The following JAKMIP1 variants were observed in gnomAD, a reference collection of about 807,000 sequenced individuals.
JAKMIP1 encodes the protein janus kinase and microtubule interacting protein 1.
A neutral mutation model predicts 113.0 loss-of-function variants in JAKMIP1; 33 were observed. That is an observed-to-expected ratio of 0.29 (90% CI 0.22 to 0.39). JAKMIP1 has a LOEUF of 0.39. JAKMIP1 is among the 10% of genes least tolerant of loss of function. The pLI is 1.00. For synonymous variants in JAKMIP1, 480 were observed against 459.9 expected (o/e 1.04, Z -0.56); for missense variants, 813 against 1,080.5 (o/e 0.75, Z 3.47).
At chr4:6,103,814 G>A (rs895977283) in intron 3 of JAKMIP1, among the ~76,000 whole-genome samples, 1 of 152,126 alleles carries the variant, frequency 6.6e-6, no homozygotes, top group Non-Finnish European at 1.5e-5. Context: ...TTTATTGACT[G>A]TAGGAGCTGT....
Position 6,167,042 on chromosome 4 carries a change from C to A in JAKMIP1, c.-148+33211G>T, listed in dbSNP as rs1474367705. 6.6e-6 allele frequency among the ~76,000 whole-genome samples: 1 copy of A among 152,098 alleles called. No individual in the cohort carries two copies. The highest frequency in any genetic ancestry group is 1.5e-5 in the Non-Finnish European group (1 of 67,998). On this transcript the variant is annotated intron_variant, in intron 1 of 20. Coordinates refer to ENST00000409021, the MANE Select transcript of JAKMIP1 (RefSeq NM_001099433.2). This position sits in a 1 kb window ranked among gnomAD's most constrained non-coding sequence, Gnocchi z 5.3. ...GGTCTCTCAAATACTGTATGTGCTA[C>A]CCCACATCAAGTACTTGGAACAGTG...
In JAKMIP1 at chr4:6,197,611, C is replaced by T. The variant is rs1379581734; in HGVS notation, c.-148+2642G>A. On this transcript the variant is annotated intron_variant, in intron 1 of 20. Coordinates refer to ENST00000409021, the MANE Select transcript of JAKMIP1 (RefSeq NM_001099433.2). This position sits in a 1 kb window ranked among gnomAD's most constrained non-coding sequence, Gnocchi z 6.5. ...CAGAAGCCCTGCAGGTTGATCCCGT[C>T]GCCACTATGGGGAGAGGAGTGACCC... 1.3e-5 allele frequency among the ~76,000 whole-genome samples: 2 copies of T among 152,202 alleles called. No individual in the cohort carries two copies. The highest frequency in any genetic ancestry group is 1.5e-5 in the Non-Finnish European group (1 of 68,034).
intron 2 of JAKMIP1, among the ~76,000 whole-genome samples, chr4:6,107,440 A>G (rs1714140067): frequency 6.6e-6 from 1 of 152,214 alleles, no homozygotes; most frequent in South Asian, 2.1e-4. Context: ...TTGGTCAAAC[A>G]CCAGTCCAGA....
chr4:6,190,877 A>G (rs1318075306), intron 1 of JAKMIP1, among the ~76,000 whole-genome samples: 1 of 152,128 alleles, frequency 6.6e-6, no homozygotes, highest in Non-Finnish European at 1.5e-5. Context: ...CCTGGGTCTG[A>G]CAGAAAGCAG....
chr4:6,107,222 T>C (rs1714102356), intron 2 of JAKMIP1, among the ~76,000 whole-genome samples: 1 of 152,122 alleles, frequency 6.6e-6, no homozygotes, highest in African/African-American at 2.4e-5. Context: ...TTGTCCCAGT[T>C]ATGGACAAAA....
intron 1 of JAKMIP1, among the ~76,000 whole-genome samples, chr4:6,182,504 T>C (rs541325067): frequency 1.9e-4 from 29 of 151,696 alleles, no homozygotes; most frequent in Middle Eastern, 3.2e-3. Context: ...CTCTCCACCA[T>C]GCGAGGGCAC....
At position 6,105,336 on chromosome 4, in the gene JAKMIP1, C is replaced by T. The variant is rs573628037; in HGVS notation, c.624+137G>A. 1.5e-5 allele frequency: 11 copies of T among 729,964 alleles called. No homozygotes were observed. In the African/African-American group the frequency reaches 1.6e-4, roughly 11 times the overall value. The allele number at this position is 729,964 out of a possible 1,614,324, so 45.2% of individuals were successfully genotyped here. A position where few individuals can be genotyped will look rare whatever the true frequency, so the allele number is the denominator to read the frequency against. The stretch of plus-strand genomic sequence containing the variant: ...CAAAGCCTCCTTACCACACCTAAGA[C>T]GGGAGGGAGGTTGCTGGGGCCCCAG... On this transcript the variant is annotated intron_variant, in intron 3 of 20. Transcript: ENST00000409021.
rs1416101131 is a variant in JAKMIP1 at position 6,042,194 on chromosome 4, G to C, written c.2062C>G (p.Leu688Val). Residue 688 changes from leucine to valine, a missense_variant, in exon 17 of 21, where the codon CTG (leucine) becomes GTG (valine). Physicochemically the swap from Leu to Val is conservative, Grantham distance 32 (BLOSUM62 1). This residue lies in a region of JAKMIP1 where 273 missense variants were observed against 426.6 expected (regional missense o/e 0.64). Transcript: ENST00000409021. The surrounding 1 kb of genome is among the most constrained non-coding windows in gnomAD (Gnocchi z 5.2). ...TCCAGGTCCAGCATCTTCTGGGTCA[G>C]GGCGGCCTCGGTCCCCTCTATTTGC... ...LKQIEGTEAA[L>V]TQKMLDLEKE... 6.2e-7 allele frequency: 1 copy of C among 1,613,888 alleles called. No individual in the cohort carries two copies. The highest frequency in any genetic ancestry group is 8.5e-7 in the Non-Finnish European group (1 of 1,179,872).
At chr4:6,148,952 A>G (rs1291962226) in intron 1 of JAKMIP1, among the ~76,000 whole-genome samples, 1 of 152,184 alleles carries the variant, frequency 6.6e-6, no homozygotes, top group Non-Finnish European at 1.5e-5. Context: ...GGAGTCAAGA[A>G]AGACATCTGA....
intron 3 of JAKMIP1, among the ~76,000 whole-genome samples, chr4:6,101,741 A>C (rs1191265190): frequency 6.8e-6 from 1 of 146,172 alleles, no homozygotes; most frequent in Non-Finnish European, 1.5e-5. Flanking sequence ...ACAAAAAAAA[A>C]AAAAAAAAAA....
Position 6,176,425 on chromosome 4 carries a change from G to A in JAKMIP1, c.-148+23828C>T, listed in dbSNP as rs1269016385. 2.6e-5 allele frequency among the ~76,000 whole-genome samples: 4 copies of A among 152,104 alleles called. No individual in the cohort carries two copies. The highest frequency in any genetic ancestry group is 5.9e-5 in the Non-Finnish European group (4 of 68,008). ...GATAGGACCTCCAGCCTAGCTGAAC[G>A]GGACCAAGGAAGGATTTCCGATGTT... On this transcript the variant is annotated intron_variant, in intron 1 of 20. Transcript: ENST00000409021. The surrounding 1 kb of genome is among the most constrained non-coding windows in gnomAD (Gnocchi z 5.5).
At chr4:6,189,965 C>T (rs1172749990) in intron 1 of JAKMIP1, among the ~76,000 whole-genome samples, 1 of 152,200 alleles carries the variant, frequency 6.6e-6, no homozygotes, top group Non-Finnish European at 1.5e-5. Context: ...CCATGCCACA[C>T]TGGCAAAATC....
rs6845360 is a variant in JAKMIP1, at chr4:6,088,914, C to G, written c.625-3285G>C. Among the ~76,000 whole-genome samples the G allele has an allele frequency of 6.6e-6, 1 of 152,256 alleles. No homozygotes were observed. Among genetic ancestry groups the G allele is most frequent in the East Asian group, 1.9e-4 (1 of 5,186 alleles). On this transcript the variant is annotated intron_variant, in intron 3 of 20. Transcript: ENST00000409021. The surrounding 1 kb of genome is among the most constrained non-coding windows in gnomAD (Gnocchi z 5.5). ...CATGTGCAGTAGGAAAGGGGTGGAA[C>G]GAACATCACTGCAAGTTCCCAGGGC...
In JAKMIP1 at chr4:6,093,919, C is replaced by T. The variant is rs993705062; in HGVS notation, c.625-8290G>A. On this transcript the variant is annotated intron_variant, in intron 3 of 20. Coordinates refer to ENST00000409021, the MANE Select transcript of JAKMIP1 (RefSeq NM_001099433.2). This position sits in a 1 kb window ranked among gnomAD's most constrained non-coding sequence, Gnocchi z 4.6. ...AGAGTCCCACCTGCCCAGGAGGCTGCAAGTTCCCTCTTTTCTGCCACCCTG... is the reference window on the plus strand; with the variant it reads ...AGAGTCCCACCTGCCCAGGAGGCTGTAAGTTCCCTCTTTTCTGCCACCCTG... 6.6e-6 allele frequency among the ~76,000 whole-genome samples: 1 copy of T among 152,086 alleles called. No individual in the cohort carries two copies. Among genetic ancestry groups the T allele is most frequent in the Admixed American group, 6.5e-5 (1 of 15,276 alleles).
Position 6,093,956 on chromosome 4 carries a change from C to T in JAKMIP1, c.625-8327G>A, listed in dbSNP as rs936824122. 1.3e-5 allele frequency among the ~76,000 whole-genome samples: 2 copies of T among 151,998 alleles called. No individual in the cohort carries two copies. Among genetic ancestry groups the T allele is most frequent in the Non-Finnish European group, 1.5e-5 (1 of 68,012 alleles). The stretch of plus-strand genomic sequence containing the variant: ...TTTCTGCCACCCTGGCTCGGCTGGG[C>T]AGTCCCCAGATGTCCTGCCCTTCAC... On this transcript the variant is annotated intron_variant, in intron 3 of 20. Transcript: ENST00000409021. The surrounding 1 kb of genome is among the most constrained non-coding windows in gnomAD (Gnocchi z 4.6).
intron 8 of JAKMIP1, among the ~76,000 whole-genome samples, chr4:6,077,095 A>G (rs1422352118): frequency 6.6e-6 from 1 of 152,222 alleles, no homozygotes; most frequent in Non-Finnish European, 1.5e-5. Flanking sequence ...GGTGTTATGG[A>G]TTAAACTGTA....
In JAKMIP1 at chr4:6,036,050, T is replaced by G; in HGVS notation, c.2233A>C (p.Arg745=). 6.4e-7 allele frequency: 1 copy of G among 1,556,148 alleles called. No homozygotes were observed. Among genetic ancestry groups the G allele is most frequent in the Non-Finnish European group, 8.7e-7 (1 of 1,149,554 alleles). ...YTALQQEPGR[R]AGEALSEGQR... ...CCCTCGCTCAGCGCCTCACCGGCCC[T>G]CCGCCCCGGCTCCTGCTGCAGCGCT... Residue 745 remains arginine, a synonymous_variant, in exon 19 of 21, where the codon AGG becomes CGG. Transcript: ENST00000409021.
In JAKMIP1 at chr4:6,049,806, C is replaced by T. The variant is rs751690433; in HGVS notation, c.1962+13G>A. ...CAAGAACACGAAAGCAGAAACCGAT[C>T]GCTCATAGTTACCCCGTTATCGCCA... On this transcript the variant is annotated intron_variant, in intron 15 of 20. Coordinates refer to ENST00000409021, the MANE Select transcript of JAKMIP1 (RefSeq NM_001099433.2). The surrounding 1 kb of genome is among the most constrained non-coding windows in gnomAD (Gnocchi z 7.0). 1.4e-5 allele frequency: 23 copies of T among 1,600,002 alleles called. No individual in the cohort carries two copies. The highest frequency in any genetic ancestry group is 1.9e-5 in the Non-Finnish European group (22 of 1,167,418).
Position 6,105,713 on chromosome 4 carries a change from G to T in JAKMIP1, c.384C>A (p.Val128=), listed in dbSNP as rs2108875289. Residue 128 remains valine, a synonymous_variant, in exon 3 of 21, where the codon GTC becomes GTA. Transcript: ENST00000409021. ...GCGCCTCGGTCAGCAGCGCCGTCTT[G>T]ACCTTGTCGGCCGCGCCGTCGCGCA... is the stretch of plus-strand genomic sequence containing the variant. ...NVLRDGAADK[V]KTALLTEARE... The T allele has an allele frequency of 1.9e-6, 3 of 1,602,206 alleles. No individual in the cohort carries two copies. The highest frequency in any genetic ancestry group is 4.5e-5 in the East Asian group (2 of 44,710).
Sources: gnomAD v4.1 joint callset for allele counts (sites outside exome capture counted in the v4.1 genomes callset) on GRCh38, gnomAD v4.1.1 for gene constraint, gnomAD v4.1.1 regional missense constraint, Gnocchi (gnomAD v3.1) non-coding constraint, MANE v1.5 for transcripts, NCBI Gene and HGNC (gene_info 2026-07-23, HGNC 2026-07-21) for gene names.